Variants in PCDHGA1 observed in about 807,000 individuals in gnomAD.
The protein encoded by PCDHGA1 is protocadherin gamma-A1.
A neutral mutation model predicts 58.0 loss-of-function variants in PCDHGA1; 32 were observed. The ratio of observed to expected loss-of-function variants is 0.55; its 90% CI spans 0.42 to 0.74. PCDHGA1 has a LOEUF of 0.74. Ranked by LOEUF, PCDHGA1 falls within the 30% of genes least tolerant of loss-of-function variation. PCDHGA1 has a pLI of 0.00. For missense variants in PCDHGA1, 1,205 were observed against 1,182.3 expected, an observed-to-expected ratio of 1.02 and a Z score of -0.28; for synonymous variants, 498 against 501.1, an observed-to-expected ratio of 0.99 and a Z score of 0.08.
At chr5:141,362,108 C>T in intron 1 of PCDHGA1, 13 of 1,613,972 alleles carry the variant, frequency 8.1e-6, no homozygotes, top group Non-Finnish European at 1.1e-5. Flanking sequence ...TCCGCTACGG[C>T]CACGCTGCAC....
chr5:141,422,909 C>T (rs1260941191), intron 1 of PCDHGA1: 1 of 1,614,252 alleles, frequency 6.2e-7, no homozygotes, highest in East Asian at 2.2e-5. Flanking sequence ...GACAATGCGC[C>T]CGAGATCCTG....
chr5:141,468,845 A>G (rs1426852752), intron 1 of PCDHGA1, among the ~76,000 whole-genome samples: 3 of 152,150 alleles, frequency 2.0e-5, no homozygotes, highest in Non-Finnish European at 2.9e-5. Flanking sequence ...CAGCCTGGGC[A>G]ACAGAGCGAG....
intron 1 of PCDHGA1, chr5:141,344,864 G>A: frequency 6.2e-7 from 1 of 1,613,902 alleles, no homozygotes. Flanking sequence ...ATGCTCAAGT[G>A]TCTTATATTC....
chr5:141,422,580 C>T (rs1310564205), intron 1 of PCDHGA1: 10 of 1,613,934 alleles, frequency 6.2e-6, no homozygotes, highest in Non-Finnish European at 8.5e-6. Flanking sequence ...ATAACCCTCC[C>T]GTTTTTCCTC....
rs1756403404 is a variant in PCDHGA1, at chr5:141,332,361, G to GCC, written c.1679_1680dup (p.Glu561ProfsTer29). On this transcript the variant is annotated frameshift_variant, in exon 1 of 4. Transcript: ENST00000517417. LOFTEE classifies it high-confidence loss of function. The surrounding 1 kb of genome is among the most constrained non-coding windows in gnomAD (Gnocchi z 4.6). ...TCCTGCTGGACCAGAACGACAACGC[G>GCC]CCCGAGATCCTGTACCCCGCCCTCC... The GCC allele has an allele frequency of 6.2e-7, 1 of 1,614,146 alleles. No individual in the cohort carries two copies. The highest frequency in any genetic ancestry group is 1.3e-5 in the African/African-American group (1 of 75,030).
At chr5:141,394,060 C>T (rs1437765710) in intron 1 of PCDHGA1, 1 of 1,613,662 alleles carries the variant, frequency 6.2e-7, no homozygotes, top group Non-Finnish European at 8.5e-7. Context: ...GAAAATGTCT[C>T]TATCTACAAT....
chr5:141,459,084 A>T (rs2098960410), intron 1 of PCDHGA1, among the ~76,000 whole-genome samples: 2 of 152,204 alleles, frequency 1.3e-5, no homozygotes, highest in Non-Finnish European at 2.9e-5. Flanking sequence ...TGCCTTTTAA[A>T]ATTATACAGT....
intron 1 of PCDHGA1, among the ~76,000 whole-genome samples, chr5:141,479,878 A>G (rs1033313584): frequency 2.0e-5 from 3 of 152,170 alleles, no homozygotes; most frequent in African/African-American, 7.2e-5. Context: ...AGAACCCTAT[A>G]CATACTCTCA....
chr5:141,400,145 A>T (rs543908773), intron 1 of PCDHGA1: 6 of 1,613,314 alleles, frequency 3.7e-6, no homozygotes, highest in Non-Finnish European at 4.2e-6. Flanking sequence ...GATATCACTG[A>T]CCGCCCTGTA....
At chr5:141,439,947 T>C (rs2098140958) in intron 1 of PCDHGA1, 1 of 152,516 alleles carries the variant, frequency 6.6e-6, no homozygotes, top group Non-Finnish European at 1.5e-5. Flanking sequence ...TTCTCTATGA[T>C]GCAGATCCGT....
At chr5:141,502,781 C>G (rs1360359268) in intron 2 of PCDHGA1, among the ~76,000 whole-genome samples, 2 of 151,658 alleles carry the variant, frequency 1.3e-5, no homozygotes, top group Non-Finnish European at 2.9e-5. Flanking sequence ...TGAAAATTAC[C>G]TGGATGATTT....
rs1416393791 is a variant in PCDHGA1 at position 141,346,609 on chromosome 5, G to T, written c.2421+13504G>T. 6.0e-6 allele frequency: 7 copies of T among 1,166,324 alleles called. No individual in the cohort carries two copies. In the Admixed American group the frequency reaches 1.0e-4, roughly 17 times the overall value. 72.2% of individuals were successfully genotyped at this position (1,166,324 alleles called of 1,614,324 possible). ...GTCCCCCTTTCTTTCTGGGCCTATA[G>T]TAGGACTGCACTCCCCGGTCTGGTT... On this transcript the variant is annotated intron_variant, in intron 1 of 3. Transcript: ENST00000517417.
chr5:141,365,082 T>A lies in PCDHGA1; in HGVS notation c.2421+31977T>A, dbSNP rs769625651. 5 of 1,613,852 alleles carry A rather than the reference T, an allele frequency of 3.1e-6. No homozygotes were observed. In the South Asian group the frequency reaches 5.5e-5, roughly 18 times the overall value. On this transcript the variant is annotated intron_variant, in intron 1 of 3. Coordinates refer to ENST00000517417, the MANE Select transcript of PCDHGA1 (RefSeq NM_018912.3). ...ACCCCATCCGAGTACAGCGTGAGTG[T>A]TCCAGAGAACATACCTGTGGGCACT... is the stretch of plus-strand genomic sequence containing the variant.
intron 1 of PCDHGA1, among the ~76,000 whole-genome samples, chr5:141,460,270 C>T (rs1223096441): frequency 6.6e-6 from 1 of 151,828 alleles, no homozygotes; most frequent in Non-Finnish European, 1.5e-5. Context: ...TTTATTTTTT[C>T]TTTTATAGTT....
At chr5:141,502,767 C>T (rs970206343) in intron 2 of PCDHGA1, among the ~76,000 whole-genome samples, 1 of 151,756 alleles carries the variant, frequency 6.6e-6, no homozygotes, top group East Asian at 1.9e-4. Flanking sequence ...TGCTGGTATT[C>T]TTCTGAAAAT....
chr5:141,410,036 A>G, intron 1 of PCDHGA1: 1 of 1,613,240 alleles, frequency 6.2e-7, no homozygotes, highest in Non-Finnish European at 8.5e-7. Flanking sequence ...GCTGCAGGCC[A>G]GTGAGCCCGG....
chr5:141,471,646 G>C (rs935284198), intron 1 of PCDHGA1: 1 of 152,108 alleles, frequency 6.6e-6, no homozygotes, highest in Non-Finnish European at 1.5e-5. Flanking sequence ...GTAATATACT[G>C]GATGTGGGGA....
intron 1 of PCDHGA1, chr5:141,352,760 C>A (rs1759103494): frequency 7.6e-7 from 1 of 1,314,650 alleles, no homozygotes; most frequent in South Asian, 1.4e-5. Context: ...CAGGCTGAGG[C>A]AGGTGGATCA....
intron 1 of PCDHGA1, among the ~76,000 whole-genome samples, chr5:141,406,925 G>A (rs1003832711): frequency 2.0e-5 from 3 of 152,268 alleles, no homozygotes; most frequent in African/African-American, 7.2e-5. Flanking sequence ...AGAGAATAAT[G>A]TATTATTTAA....
Sources: allele counts gnomAD v4.1 joint callset (sites outside exome capture counted in the v4.1 genomes callset), GRCh38; gene constraint gnomAD v4.1.1; non-coding constraint Gnocchi (gnomAD v3.1); transcripts MANE v1.5; gene names NCBI Gene and HGNC (gene_info 2026-07-23, HGNC 2026-07-21).